Variants in TNRC18 observed in about 807,000 individuals in gnomAD.
TNRC18 encodes trinucleotide repeat containing 18, also known as trinucleotide repeat-containing gene 18 protein.
Under a neutral mutation model 226.7 loss-of-function variants are expected in TNRC18, and 69 were observed. That is an observed-to-expected ratio of 0.30 (90% CI 0.25 to 0.37). The LOEUF is 0.37. TNRC18 is among the 10% of genes least tolerant of loss of function. The pLI is 1.00. For synonymous variants in TNRC18, 2,449 were observed against 1,927.6 expected (o/e 1.27, Z -7.09); for missense variants, 4,754 against 4,256.6 (o/e 1.12, Z -3.25).
chr7:5,407,968 A>C (rs1309428806), intron 2 of TNRC18, among the ~76,000 whole-genome samples: 2 of 152,190 alleles, frequency 1.3e-5, no homozygotes, highest in Non-Finnish European at 2.9e-5. Context: ...GTGAGCCTAC[A>C]AGAGACTGCA....
intron 11 of TNRC18, among the ~76,000 whole-genome samples, chr7:5,364,969 G>T (rs1285833529): frequency 6.6e-6 from 1 of 151,952 alleles, no homozygotes; most frequent in East Asian, 1.9e-4. Context: ...AAAAACACTA[G>T]AATGCCAGCA....
rs1325497506 is a variant in TNRC18, at chr7:5,389,088, G to A, written c.736C>T (p.Arg246Cys). The A allele has an allele frequency of 2.1e-5, 27 of 1,290,324 alleles. No individual in the cohort carries two copies. The highest frequency in any genetic ancestry group is 2.7e-5 in the Non-Finnish European group (27 of 1,013,720). The allele number at this position is 1,290,324 out of a possible 1,614,324, so 79.9% of individuals were successfully genotyped here. A position where few individuals can be genotyped will look rare whatever the true frequency, so the allele number is the denominator to read the frequency against. ...RGVVDLTQEA[R>C]AEGRQDRGPP... ...CCCCGGTCCTGGCGGCCCTCGGCGC[G>A]CGCCTCCTGGGTCAGGTCCACCACG... is the stretch of plus-strand genomic sequence containing the variant. Residue 246 changes from arginine (R) to cysteine (C), a missense_variant, in exon 5 of 30, where the codon CGC becomes TGC. Physicochemically the swap from Arg to Cys is radical, Grantham distance 180. Transcript: ENST00000430969.
chr7:5,308,948 T>C lies in TNRC18; in HGVS notation c.8627A>G (p.His2876Arg), dbSNP rs771797712. 6 of 1,598,690 alleles carry C rather than the reference T, an allele frequency of 3.8e-6. No individual in the cohort carries two copies. In the South Asian group the frequency reaches 6.7e-5, roughly 18 times the overall value. ...GCTGCGGCTGGACTTCTGGTCCCAG[T>C]GCTGTGTGGGGGAGAGAGGAGGGGC... ...SPGKQFHQGQ[H>R]WDQKSSRSLP... The change falls in exon 29 of 30, where the codon CAC becomes CGC. Residue 2876 changes from histidine to arginine, a missense_variant and splice_region_variant. Coordinates refer to ENST00000430969, the MANE Select transcript of TNRC18 (RefSeq NM_001080495.3).
intron 11 of TNRC18, among the ~76,000 whole-genome samples, chr7:5,369,010 T>C (rs1793902356): frequency 6.6e-6 from 1 of 152,060 alleles, no homozygotes; most frequent in Non-Finnish European, 1.5e-5. Flanking sequence ...CAGGTAATGA[T>C]CAGCGCAGCC....
chr7:5,378,289 C>A (rs749308565), intron 5 of TNRC18, among the ~76,000 whole-genome samples: 1 of 152,214 alleles, frequency 6.6e-6, no homozygotes, highest in Non-Finnish European at 1.5e-5. Flanking sequence ...CCTAGACAGA[C>A]AACCGTGGCG....
In TNRC18 at chr7:5,309,495, A is replaced by G; in HGVS notation, c.8389-127T>C. The G allele has an allele frequency of 1.3e-6, 1 of 753,164 alleles. No individual in the cohort carries two copies. The highest frequency in any genetic ancestry group is 1.9e-5 in the South Asian group (1 of 53,822). The allele number at this position is 753,164 out of a possible 1,614,324, so 46.7% of individuals were successfully genotyped here. ...AATCAACCCCTATCCAACTGTGGGG[A>G]GATGAGGAAGCTCCTTGTCTCGCTT... On this transcript the variant is annotated intron_variant, in intron 27 of 29. Coordinates refer to ENST00000430969, the MANE Select transcript of TNRC18 (RefSeq NM_001080495.3). The surrounding 1 kb of genome is among the most constrained non-coding windows in gnomAD (Gnocchi z 5.7).
intron 5 of TNRC18, among the ~76,000 whole-genome samples, chr7:5,383,790 C>T (rs1243495428): frequency 1.3e-5 from 2 of 151,746 alleles, no homozygotes; most frequent in Non-Finnish European, 2.9e-5. Context: ...GAATCCAGCC[C>T]CCTACTTTTT....
chr7:5,308,954 G>A lies in TNRC18; in HGVS notation c.8626-5C>T, dbSNP rs760412725. On this transcript the variant is annotated splice_polypyrimidine_tract_variant and splice_region_variant and intron_variant, in intron 28 of 29. Coordinates refer to ENST00000430969, the MANE Select transcript of TNRC18 (RefSeq NM_001080495.3). ...GCTGGACTTCTGGTCCCAGTGCTGT[G>A]TGGGGGAGAGAGGAGGGGCTTGGGT... is the stretch of plus-strand genomic sequence containing the variant. 4 of 1,599,976 alleles carry A rather than the reference G, an allele frequency of 2.5e-6. No individual in the cohort carries two copies. In the Admixed American group the frequency reaches 5.2e-5, roughly 21 times the overall value.
rs1218623372 is a variant in TNRC18 at position 5,388,898 on chromosome 7, G to A, written c.926C>T (p.Ala309Val). The A allele has an allele frequency of 7.4e-7, 1 of 1,359,100 alleles. No individual in the cohort carries two copies. The highest frequency in any genetic ancestry group is 1.4e-5 in the South Asian group (1 of 71,848). 84.2% of individuals were successfully genotyped at this position (1,359,100 alleles called of 1,614,324 possible). A position where few individuals can be genotyped will look rare whatever the true frequency, so the allele number is the denominator to read the frequency against. ...CAGCCGCGCGCCCTCGTCCTGCCGGGCAGCCTCCTTGGCACCCCCGCGCCC... is the reference window on the plus strand; with the variant it reads ...CAGCCGCGCGCCCTCGTCCTGCCGGACAGCCTCCTTGGCACCCCCGCGCCC... ...EAGRGGAKEA[A>V]RQDEGARLLR... Residue 309 changes from alanine (A) to valine (V), a missense_variant, in exon 5 of 30, where the codon GCC (alanine) becomes GTC (valine). Physicochemically the swap from Ala to Val is moderately conservative, Grantham distance 64. Coordinates refer to ENST00000430969, the MANE Select transcript of TNRC18 (RefSeq NM_001080495.3).
chr7:5,392,538 C>A (rs942323331), intron 3 of TNRC18, among the ~76,000 whole-genome samples: 2 of 151,972 alleles, frequency 1.3e-5, no homozygotes, highest in Non-Finnish European at 2.9e-5. Context: ...TGCTTGAACC[C>A]GGGAGGTAGA....
intron 2 of TNRC18, among the ~76,000 whole-genome samples, chr7:5,412,557 C>T (rs1781912954): frequency 6.6e-6 from 1 of 151,838 alleles, no homozygotes; most frequent in Non-Finnish European, 1.5e-5. Flanking sequence ...GCCTGGGAGA[C>T]AGAGCGAGAC....
At chr7:5,417,809 C>T (rs1201597453) in intron 2 of TNRC18, among the ~76,000 whole-genome samples, 1 of 152,200 alleles carries the variant, frequency 6.6e-6, no homozygotes, top group Non-Finnish European at 1.5e-5. Context: ...CCTTGCAAAT[C>T]GTCCTTATCT....
intron 14 of TNRC18, among the ~76,000 whole-genome samples, chr7:5,360,133 T>G (rs895619956): frequency 1.3e-5 from 2 of 152,222 alleles, no homozygotes; most frequent in South Asian, 2.1e-4. Flanking sequence ...TACTTGGCAC[T>G]CACTCACTGT....
At chr7:5,350,234 C>T (rs1445320181) in intron 17 of TNRC18, among the ~76,000 whole-genome samples, 3 of 150,662 alleles carry the variant, frequency 2.0e-5, no homozygotes, top group Non-Finnish European at 4.4e-5. Context: ...GCCAGTGGGT[C>T]GGGGGCCTCT....
At chr7:5,316,431 CA>C (rs1291615823) in intron 24 of TNRC18, among the ~76,000 whole-genome samples, 1 of 151,978 alleles carries the variant, frequency 6.6e-6, no homozygotes, top group East Asian at 1.9e-4. Flanking sequence ...AGACATGCGC[CA>C]CCATGCCTGG....
At chr7:5,408,896 C>T (rs564201251) in intron 2 of TNRC18, among the ~76,000 whole-genome samples, 1 of 152,156 alleles carries the variant, frequency 6.6e-6, no homozygotes, top group African/African-American at 2.4e-5. Context: ...AAAGATGGAA[C>T]CACTGAGGGT....
At chr7:5,397,698 C>G (rs1389210245) in intron 2 of TNRC18, among the ~76,000 whole-genome samples, 1 of 152,124 alleles carries the variant, frequency 6.6e-6, no homozygotes, top group Non-Finnish European at 1.5e-5. Context: ...ACTCCCAGGC[C>G]TCCTAGAATG....
Position 5,374,215 on chromosome 7 carries a change from G to A in TNRC18, c.3069C>T (p.Tyr1023=), listed in dbSNP as rs1165540357. The A allele has an allele frequency of 5.4e-6, 8 of 1,481,192 alleles. No homozygotes were observed. Among genetic ancestry groups the A allele is most frequent in the African/African-American group, 2.9e-5 (2 of 69,770 alleles). The allele number at this position is 1,481,192 out of a possible 1,614,324, so 91.8% of individuals were successfully genotyped here. The part of the protein sequence containing the change: ...EDVSKPPAYA[Y]PATPSSHPTS... ...TGGGGTGGGAGCTGGGGGTGGCGGG[G>A]TAGGCGTAGGCGGGTGGCTTGGACA... Residue 1023 remains tyrosine (Y), a synonymous_variant, in exon 10 of 30, where the codon TAC becomes TAT. Transcript: ENST00000430969.
intron 21 of TNRC18, among the ~76,000 whole-genome samples, chr7:5,321,836 T>C (rs1277215225): frequency 2.0e-5 from 3 of 151,762 alleles, no homozygotes; most frequent in Admixed American, 1.3e-4. Flanking sequence ...CAGGCCCGGC[T>C]AATTTTTGTA....
Sources: gnomAD v4.1 joint callset for allele counts (sites outside exome capture counted in the v4.1 genomes callset) on GRCh38, gnomAD v4.1.1 for gene constraint, Gnocchi (gnomAD v3.1) non-coding constraint, MANE v1.5 for transcripts, NCBI Gene and HGNC (gene_info 2026-07-23, HGNC 2026-07-21) for gene names.